Variants in TNRC6C observed in about 807,000 individuals in gnomAD.
TNRC6C encodes trinucleotide repeat containing adaptor 6C, also known as trinucleotide repeat-containing gene 6C protein.
In TNRC6C, 20 loss-of-function variants were observed where a neutral mutation model predicts 153.7. The observed-to-expected ratio is 0.13, with a 90% CI of 0.09 to 0.19. The LOEUF (loss-of-function observed/expected upper bound fraction) is 0.19. Ranked by LOEUF, TNRC6C falls within the 10% of genes least tolerant of loss-of-function variation. The pLI is 1.00. For missense variants in TNRC6C, 1,987 were observed against 2,172.0 expected (o/e 0.91, Z 1.69); for synonymous variants, 811 against 841.4 (o/e 0.96, Z 0.63).
At chr17:78,024,438 C>A (rs2071895274) in intron 1 of TNRC6C, among the ~76,000 whole-genome samples, 1 of 151,980 alleles carries the variant, frequency 6.6e-6, no homozygotes, top group Non-Finnish European at 1.5e-5. Context: ...CCGATCTTGG[C>A]TCACTGCAAG....
intron 1 of TNRC6C, among the ~76,000 whole-genome samples, chr17:77,963,319 T>C (rs1193589811): frequency 6.6e-6 from 1 of 152,252 alleles, no homozygotes; most frequent in Non-Finnish European, 1.5e-5. Flanking sequence ...AAAATAATGG[T>C]ACAGTTTCCT....
At chr17:78,005,036 C>CTT, upstream of TNRC6C, 1 of 1,207,416 alleles carries the variant, frequency 8.3e-7, no homozygotes, top group Non-Finnish European at 1.0e-6. Context: ...TTCTTTCTTT[C>CTT]TCTCTCTTTT....
At chr17:78,085,100 A>C (rs771517417) in intron 11 of TNRC6C, among the ~76,000 whole-genome samples, 14 of 152,190 alleles carry the variant, frequency 9.2e-5, no homozygotes, top group Non-Finnish European at 1.5e-4. Context: ...TAGAAAAAGC[A>C]TGCAGGTTTA....
At position 77,962,770 on chromosome 17, in the gene TNRC6C, G is replaced by T. The variant is rs985075196; in HGVS notation, c.-38+3502G>T. Among the ~76,000 whole-genome samples, 6 of 152,320 alleles carry T rather than the reference G, an allele frequency of 3.9e-5. No homozygotes were observed. In the South Asian group the frequency reaches 1.2e-3, roughly 32 times the overall value. On this transcript the variant is annotated intron_variant, in intron 1 of 22. Transcript: ENST00000636222. Reference sequence around the variant, plus strand: ...CTTTTCTCCAGCTCTATCTCAGAGGGTCTTCAAATATTTTAGGTGAGAAGT... The same window carrying T: ...CTTTTCTCCAGCTCTATCTCAGAGGTTCTTCAAATATTTTAGGTGAGAAGT...
intron 1 of TNRC6C, among the ~76,000 whole-genome samples, chr17:77,974,038 AGAGGGAGG>A (rs1207408707): frequency 1.8e-5 from 2 of 112,410 alleles, no homozygotes; most frequent in African/African-American, 6.9e-5. Context: ...AGACCTGGAG[AGAGGGAGG>A]GAGGGAGGGG....
chr17:77,986,922 A>G (rs2071177696), intron 1 of TNRC6C, among the ~76,000 whole-genome samples: 2 of 152,214 alleles, frequency 1.3e-5, no homozygotes, highest in African/African-American at 4.8e-5. Context: ...TAAATGAAGT[A>G]TCATCTGTAT....
chr17:78,005,900 G>C (rs1168259778), intron 1 of TNRC6C, among the ~76,000 whole-genome samples: 1 of 151,986 alleles, frequency 6.6e-6, no homozygotes, highest in Non-Finnish European at 1.5e-5. Flanking sequence ...GATCATGCAG[G>C]AAAATGACTC....
intron 1 of TNRC6C, among the ~76,000 whole-genome samples, chr17:77,969,530 G>A (rs957877145): frequency 2.6e-5 from 4 of 152,162 alleles, no homozygotes; most frequent in Admixed American, 6.5e-5. Flanking sequence ...GATTACAGGC[G>A]TGAGTCACCA....
At chr17:78,037,128 T>G (rs2072194945) in intron 2 of TNRC6C, among the ~76,000 whole-genome samples, 1 of 152,202 alleles carries the variant, frequency 6.6e-6, no homozygotes, top group Admixed American at 6.5e-5. Context: ...CAACCACACA[T>G]TTTGCCATTT....
At position 78,064,943 on chromosome 17, in the gene TNRC6C, C is replaced by A. The variant is rs759780026; in HGVS notation, c.2611+6C>A. ...CTCAGCCCTGTGCAAACCAGGTAAG[C>A]CTAGCATCCTGCTTGCCCTGATCTG... On this transcript the variant is annotated splice_donor_region_variant and intron_variant, in intron 4 of 19. Transcript: ENST00000301624. The A allele has an allele frequency of 8.2e-5, 131 of 1,601,890 alleles. 2 individuals are homozygous for A. In the South Asian group the frequency reaches 8.8e-4, roughly 11 times the overall value.
At chr17:78,045,152 G>A (rs2072381196) in intron 2 of TNRC6C, among the ~76,000 whole-genome samples, 1 of 152,188 alleles carries the variant, frequency 6.6e-6, no homozygotes, top group South Asian at 2.1e-4. Flanking sequence ...TTGTGGGTGG[G>A]GCAGTAGGGG....
chr17:77,989,289 A>G (rs772290262), intron 1 of TNRC6C, among the ~76,000 whole-genome samples: 1 of 152,206 alleles, frequency 6.6e-6, no homozygotes, highest in Non-Finnish European at 1.5e-5. Context: ...GACTATTAGT[A>G]CATCTGTTAT....
At chr17:78,018,543 G>C (rs139042882) in intron 1 of TNRC6C, among the ~76,000 whole-genome samples, 92 of 152,262 alleles carry the variant, frequency 6.0e-4, no homozygotes, top group African/African-American at 2.0e-3. Flanking sequence ...ACATGTTTGG[G>C]GGGGTGGAGC....
chr17:77,993,861 A>G (rs2071288383), intron 1 of TNRC6C, among the ~76,000 whole-genome samples: 1 of 152,078 alleles, frequency 6.6e-6, no homozygotes, highest in Admixed American at 6.6e-5. Flanking sequence ...TTCCTGCAGC[A>G]ATATAATCAG....
chr17:77,966,418 G>A lies in TNRC6C; in HGVS notation c.-38+7150G>A, dbSNP rs149918039. ...GCCTACATACTGGTAGGGTCAAACT[G>A]AAAAGCTGTTACAAAGAATCAGCAG... On this transcript the variant is annotated intron_variant, in intron 1 of 22. Transcript: ENST00000636222. Among the ~76,000 whole-genome samples the A allele has an allele frequency of 4.2e-3, 643 of 152,286 alleles. 6 individuals carry two copies. Among genetic ancestry groups the A allele is most frequent in the South Asian group, 0.028 (134 of 4,830 alleles).
intron 16 of TNRC6C, among the ~76,000 whole-genome samples, chr17:78,094,664 TC>T (rs1429344559): frequency 3.9e-5 from 6 of 152,212 alleles, no homozygotes; most frequent in African/African-American, 1.4e-4. Flanking sequence ...GATCTCGAAC[TC>T]CTGACCTCAA....
exon 3 of TNRC6C, chr17:78,050,906 A>G (rs1298578853): frequency 6.2e-7 from 1 of 1,613,850 alleles, no homozygotes; most frequent in African/African-American, 1.3e-5. Flanking sequence ...GGGAAAAAAA[A>G]TGGATCTGGA....
chr17:77,994,440 C>G (rs1263774643), intron 1 of TNRC6C, among the ~76,000 whole-genome samples: 1 of 152,168 alleles, frequency 6.6e-6, no homozygotes, highest in African/African-American at 2.4e-5. Context: ...TTAAAATCCA[C>G]CTTTGAACAT....
At chr17:78,037,400 A>G (rs1338408479) in intron 2 of TNRC6C, among the ~76,000 whole-genome samples, 1 of 152,218 alleles carries the variant, frequency 6.6e-6, no homozygotes, top group East Asian at 1.9e-4. Context: ...GGAATAACCA[A>G]TAAGTAAGTC....
Sources: allele counts gnomAD v4.1 joint callset (sites outside exome capture counted in the v4.1 genomes callset), GRCh38; gene constraint gnomAD v4.1.1; transcripts MANE v1.5; gene names NCBI Gene and HGNC (gene_info 2026-07-23, HGNC 2026-07-21).